Variants in TMEM132B observed in about 807,000 individuals in gnomAD.
The protein encoded by TMEM132B is transmembrane protein 132B.
A neutral mutation model predicts 90.8 loss-of-function variants in TMEM132B; 18 were observed. The ratio of observed to expected loss-of-function variants is 0.20; its 90% CI spans 0.14 to 0.29. TMEM132B has a LOEUF of 0.29. Ranked by LOEUF, TMEM132B falls within the 10% of genes least tolerant of loss-of-function variation. TMEM132B has a pLI of 1.00. For synonymous variants in TMEM132B, 504 were observed against 523.3 expected (o/e 0.96, Z 0.50); for missense variants, 1,096 against 1,326.8 (o/e 0.83, Z 2.70).
chr12:125,496,630 C>T (rs1474048693), intron 3 of TMEM132B, among the ~76,000 whole-genome samples: 1 of 152,096 alleles, frequency 6.6e-6, no homozygotes, highest in Non-Finnish European at 1.5e-5. Flanking sequence ...ATTGGCTAGA[C>T]CTAGGGCTTG....
chr12:125,436,704 A>C (rs1382631254), intron 3 of TMEM132B, among the ~76,000 whole-genome samples: 1 of 152,172 alleles, frequency 6.6e-6, no homozygotes, highest in African/African-American at 2.4e-5. Context: ...CAGAACTTCA[A>C]GGGAATAAAT....
chr12:125,406,588 G>A lies in TMEM132B; in HGVS notation c.960-8943G>A, dbSNP rs139602852. Among the ~76,000 whole-genome samples, 9 of 152,298 alleles carry A rather than the reference G, an allele frequency of 5.9e-5. No individual in the cohort carries two copies. The South Asian group carries it at 6.2e-4, about 11-fold the overall frequency. On this transcript the variant is annotated intron_variant, in intron 2 of 8. Transcript: ENST00000682704. The surrounding 1 kb of genome is among the most constrained non-coding windows in gnomAD (Gnocchi z 8.3). Reference sequence around the variant, plus strand: ...ACTCAAGAAATCCTCTTTAAACGTCGGAGGACTGGGTGGATGATATGGGGT... The same window carrying A: ...ACTCAAGAAATCCTCTTTAAACGTCAGAGGACTGGGTGGATGATATGGGGT...
chr12:125,578,560 A>G (rs1262863871), intron 4 of TMEM132B, among the ~76,000 whole-genome samples: 1 of 152,074 alleles, frequency 6.6e-6, no homozygotes, highest in East Asian at 2.0e-4. Context: ...ATGTGTAATT[A>G]AGTTACTGTC....
chr12:125,570,453 C>A (rs1362397044), intron 4 of TMEM132B, among the ~76,000 whole-genome samples: 1 of 152,218 alleles, frequency 6.6e-6, no homozygotes, highest in African/African-American at 2.4e-5. Flanking sequence ...TCCCCAACAG[C>A]CTTTGCTTCT....
chr12:125,560,490 CAGAT>C (rs1884492464), intron 4 of TMEM132B, among the ~76,000 whole-genome samples: 2 of 152,272 alleles, frequency 1.3e-5, no homozygotes, highest in African/African-American at 2.4e-5. Context: ...AAACTACAAT[CAGAT>C]AGCATCTCAC....
intron 1 of TMEM132B, among the ~76,000 whole-genome samples, chr12:125,340,476 G>A (rs550606426): frequency 1.1e-4 from 17 of 152,054 alleles, no homozygotes; most frequent in Non-Finnish European, 2.1e-4. Context: ...CAGAAGTGTA[G>A]GTAGTGTCTA....
chr12:125,487,799 C>G (rs1276940706), intron 3 of TMEM132B, among the ~76,000 whole-genome samples: 1 of 152,206 alleles, frequency 6.6e-6, no homozygotes, highest in Non-Finnish European at 1.5e-5. Flanking sequence ...TTGTCTCTTG[C>G]TGTGCTGTCA....
At chr12:125,401,399 A>G (rs534206582) in intron 2 of TMEM132B, among the ~76,000 whole-genome samples, 2 of 152,302 alleles carry the variant, frequency 1.3e-5, no homozygotes, top group East Asian at 3.9e-4. Flanking sequence ...TAAGGAGAAA[A>G]ATAAAGCAGG....
intron 4 of TMEM132B, among the ~76,000 whole-genome samples, chr12:125,536,078 T>G (rs921364320): frequency 1.3e-5 from 2 of 152,168 alleles, no homozygotes; most frequent in African/African-American, 4.8e-5. Context: ...GCCCCTGTTT[T>G]CCACATGCCA....
chr12:125,658,901 C>T lies in TMEM132B; in HGVS notation c.*4191C>T, dbSNP rs1887140251. 6.6e-6 allele frequency: 1 copy of T among 152,112 alleles called. No homozygotes were observed. Among genetic ancestry groups the T allele is most frequent in the African/African-American group, 2.4e-5 (1 of 41,424 alleles). 9.4% of individuals were successfully genotyped at this position (152,112 alleles called of 1,614,324 possible). On this transcript the variant is annotated 3_prime_UTR_variant, in exon 9 of 9. Transcript: ENST00000682704. ...TCTGCCAGAACATTTTCATCTTATTCTTCTTGACTTTTGGATTTTTTTCTT... is the reference window on the plus strand; with the variant it reads ...TCTGCCAGAACATTTTCATCTTATTTTTCTTGACTTTTGGATTTTTTTCTT...
chr12:125,453,076 A>AACACAGACACAC (rs1374229793), intron 3 of TMEM132B, among the ~76,000 whole-genome samples: 3 of 143,700 alleles, frequency 2.1e-5, no homozygotes, highest in East Asian at 2.0e-4. Flanking sequence ...ATTTCAGTAA[A>AACACAGACACAC]ACACACACAC....
At chr12:125,233,879 TC>T (rs1165494637) in intron 1 of TMEM132B, among the ~76,000 whole-genome samples, 1 of 152,208 alleles carries the variant, frequency 6.6e-6, no homozygotes, top group Non-Finnish European at 1.5e-5. Flanking sequence ...TCCCCGTAGA[TC>T]CTGGCATGGT....
Position 125,349,641 on chromosome 12 carries a change from C to G in TMEM132B, c.257C>G (p.Pro86Arg). The G allele has an allele frequency of 6.2e-7, 1 of 1,614,094 alleles. No homozygotes were observed. The highest frequency in any genetic ancestry group is 8.5e-7 in the Non-Finnish European group (1 of 1,180,024). ...TTCTTCATCTACCGAGCCAGGACAC[C>G]CCCTATTATCAATGCCAGCTATGGC... The part of the protein sequence containing the change: ...EPFFIYRART[P>R]PIINASYGPF... The change falls in exon 2 of 9, where the codon CCC (proline) becomes CGC (arginine). Residue 86 changes from proline (P) to arginine (R), a missense_variant. By Grantham distance (103) the Pro-to-Arg change is moderately radical. Coordinates refer to ENST00000682704, the MANE Select transcript of TMEM132B (RefSeq NM_001366854.1). This position sits in a 1 kb window ranked among gnomAD's most constrained non-coding sequence, Gnocchi z 4.1.
chr12:125,348,512 TTTTG>T (rs1354357727), intron 1 of TMEM132B, among the ~76,000 whole-genome samples: 1 of 151,654 alleles, frequency 6.6e-6, no homozygotes, highest in Non-Finnish European at 1.5e-5. Flanking sequence ...TTTTTTTTTT[TTTTG>T]TAGAGACAGG....
chr12:125,337,491 TG>T (rs1877007284), intron 1 of TMEM132B, among the ~76,000 whole-genome samples: 1 of 152,180 alleles, frequency 6.6e-6, no homozygotes, highest in African/African-American at 2.4e-5. Flanking sequence ...TTGGCTTTAA[TG>T]TGATATGTGA....
At chr12:125,601,654 C>CA (rs1330077086) in intron 5 of TMEM132B, among the ~76,000 whole-genome samples, 5 of 151,722 alleles carry the variant, frequency 3.3e-5, no homozygotes, top group Non-Finnish European at 5.9e-5. Flanking sequence ...AATAACCCTT[C>CA]AAAAAAATCA....
intron 4 of TMEM132B, among the ~76,000 whole-genome samples, chr12:125,554,051 G>A (rs936437152): frequency 6.6e-6 from 1 of 152,094 alleles, no homozygotes; most frequent in Non-Finnish European, 1.5e-5. Context: ...TAGTAAAATT[G>A]TAATATTTAT....
At chr12:125,210,398 G>T (rs1873292938) in intron 1 of TMEM132B, among the ~76,000 whole-genome samples, 1 of 152,224 alleles carries the variant, frequency 6.6e-6, no homozygotes, top group South Asian at 2.1e-4. Flanking sequence ...CTGCCGATGA[G>T]GGTGATCACA....
intron 1 of TMEM132B, among the ~76,000 whole-genome samples, chr12:125,214,681 C>G (rs1360350418): frequency 6.6e-6 from 1 of 152,234 alleles, no homozygotes; most frequent in African/African-American, 2.4e-5. Context: ...CTCTAGCAGT[C>G]AGGCTGGTGC....
Sources: allele counts gnomAD v4.1 joint callset (sites outside exome capture counted in the v4.1 genomes callset), GRCh38; gene constraint gnomAD v4.1.1; non-coding constraint Gnocchi (gnomAD v3.1); transcripts MANE v1.5; gene names NCBI Gene and HGNC (gene_info 2026-07-23, HGNC 2026-07-21).